The following CTIF variants were observed in gnomAD, a reference collection of about 807,000 sequenced individuals.
CTIF encodes cap binding complex dependent translation initiation factor, also known as CBP80/20-dependent translation initiation factor.
A neutral mutation model predicts 66.0 loss-of-function variants in CTIF; 21 were observed. The observed-to-expected ratio is 0.32, with a 90% CI of 0.23 to 0.46. The LOEUF is 0.46. CTIF is among the 20% of genes least tolerant of loss of function. CTIF has a pLI of 1.00. For synonymous variants in CTIF, 345 were observed against 326.4 expected (o/e 1.06, Z -0.62); for missense variants, 739 against 812.7 (o/e 0.91, Z 1.10).
intron 6 of CTIF, among the ~76,000 whole-genome samples, chr18:48,690,916 C>A (rs768517881): frequency 9.3e-4 from 142 of 152,054 alleles, no homozygotes; most frequent in Admixed American, 3.3e-3. Context: ...AGGTGCCAGT[C>A]AAATCTAAGG....
chr18:48,653,056 T>G (rs2091185488), intron 3 of CTIF, among the ~76,000 whole-genome samples: 2 of 152,188 alleles, frequency 1.3e-5, no homozygotes, highest in East Asian at 3.9e-4. Context: ...GCATTCCCTT[T>G]GAAAACTGGC....
intron 1 of CTIF, among the ~76,000 whole-genome samples, chr18:48,587,294 C>T (rs1015987187): frequency 1.3e-5 from 2 of 152,036 alleles, no homozygotes; most frequent in African/African-American, 4.8e-5. Flanking sequence ...GTTGGCCAGG[C>T]TGGTCTCGAA....
intron 2 of CTIF, among the ~76,000 whole-genome samples, chr18:48,629,726 G>A (rs1284234308): frequency 2.0e-5 from 3 of 151,856 alleles, no homozygotes; most frequent in Non-Finnish European, 4.4e-5. Flanking sequence ...GTCTTTGAAT[G>A]ATCCCTATTT....
chr18:48,720,941 A>T (rs537239609), intron 7 of CTIF, among the ~76,000 whole-genome samples: 97 of 152,308 alleles, frequency 6.4e-4, no homozygotes, highest in Non-Finnish European at 1.0e-3. Context: ...CTTCATGGGA[A>T]TACAAGGCTC....
chr18:48,770,938 C>T (rs932516757), intron 9 of CTIF, among the ~76,000 whole-genome samples: 10 of 152,122 alleles, frequency 6.6e-5, no homozygotes, highest in African/African-American at 1.9e-4. Context: ...CTAACTTTAT[C>T]CCATCCTAGA....
intron 9 of CTIF, among the ~76,000 whole-genome samples, chr18:48,763,572 T>A (rs960278495): frequency 3.3e-5 from 5 of 152,168 alleles, no homozygotes; most frequent in African/African-American, 1.2e-4. Context: ...GAACTACTTG[T>A]GGGATTAGTG....
chr18:48,585,343 G>T (rs1223222274), intron 1 of CTIF, among the ~76,000 whole-genome samples: 1 of 152,236 alleles, frequency 6.6e-6, no homozygotes, highest in Admixed American at 6.5e-5. Context: ...AGAAAGTGGG[G>T]AAAGTGGGCT....
chr18:48,556,386 T>G (rs2089022102), intron 1 of CTIF, among the ~76,000 whole-genome samples: 1 of 152,148 alleles, frequency 6.6e-6, no homozygotes, highest in South Asian at 2.1e-4. Context: ...TTGCCTTTGA[T>G]AGTGGAGTTG....
At chr18:48,654,567 G>A (rs986850078) in intron 3 of CTIF, among the ~76,000 whole-genome samples, 53 of 152,324 alleles carry the variant, frequency 3.5e-4, no homozygotes, top group South Asian at 1.0e-3. Context: ...ACAGTGTGGT[G>A]ATTCCTCAAG....
chr18:48,703,761 C>G (rs1325244123), intron 6 of CTIF, among the ~76,000 whole-genome samples: 1 of 152,204 alleles, frequency 6.6e-6, no homozygotes, highest in Non-Finnish European at 1.5e-5. Context: ...GGGGACTCCC[C>G]CTCCACCACC....
intron 10 of CTIF, among the ~76,000 whole-genome samples, chr18:48,836,863 C>T (rs1292329203): frequency 1.3e-5 from 2 of 152,228 alleles, no homozygotes; most frequent in African/African-American, 2.4e-5. Context: ...GCTTAGTCCA[C>T]ATCACCTGCC....
intron 10 of CTIF, among the ~76,000 whole-genome samples, chr18:48,840,255 G>A (rs931146069): frequency 1.3e-5 from 2 of 152,208 alleles, no homozygotes; most frequent in South Asian, 2.1e-4. Flanking sequence ...GAGTTTGGGT[G>A]GATTGGAGGT....
In CTIF at chr18:48,840,403, G is replaced by A. The variant is rs189888955; in HGVS notation, c.1528-17185G>A. 1.8e-3 allele frequency among the ~76,000 whole-genome samples: 278 copies of A among 152,304 alleles called. 2 individuals carry two copies. Among genetic ancestry groups the A allele is most frequent in the South Asian group, 3.9e-3 (19 of 4,832 alleles). On this transcript the variant is annotated intron_variant, in intron 10 of 11. Transcript: ENST00000256413. ...CAGTGAGAATGCACAGGTGATAACA[G>A]AATATTGACTCACATGCTCATTCAT...
chr18:48,794,939 G>A (rs535003066), intron 9 of CTIF, among the ~76,000 whole-genome samples: 1 of 152,126 alleles, frequency 6.6e-6, no homozygotes, highest in Non-Finnish European at 1.5e-5. Flanking sequence ...TGGATAGATG[G>A]GTCAGGGTGG....
chr18:48,597,025 C>T (rs1456466886), intron 1 of CTIF, among the ~76,000 whole-genome samples: 3 of 152,158 alleles, frequency 2.0e-5, no homozygotes, highest in African/African-American at 7.2e-5. Flanking sequence ...TCATGTGGGC[C>T]CTGCCCCAAA....
chr18:48,699,152 G>A (rs1357827806), intron 6 of CTIF, among the ~76,000 whole-genome samples: 4 of 151,242 alleles, frequency 2.6e-5, no homozygotes, highest in African/African-American at 4.8e-5. Flanking sequence ...GGTGCCCGAC[G>A]GCCCCAGCAG....
At chr18:48,791,540 C>T (rs957573381) in intron 9 of CTIF, among the ~76,000 whole-genome samples, 12 of 152,080 alleles carry the variant, frequency 7.9e-5, no homozygotes, top group African/African-American at 2.9e-4. Context: ...CAGCCTCAGC[C>T]TGGCCCTGGG....
intron 3 of CTIF, among the ~76,000 whole-genome samples, chr18:48,652,625 T>C (rs1471271293): frequency 6.6e-6 from 1 of 152,300 alleles, no homozygotes; most frequent in South Asian, 2.1e-4. Flanking sequence ...CTCTAACTCA[T>C]TTTATAAGGC....
chr18:48,555,644 C>A (rs2089000823), intron 1 of CTIF, among the ~76,000 whole-genome samples: 1 of 152,226 alleles, frequency 6.6e-6, no homozygotes, highest in Non-Finnish European at 1.5e-5. Context: ...CCTCTGGCTT[C>A]ATTTCTTTTT....
Sources: allele counts gnomAD v4.1 joint callset (sites outside exome capture counted in the v4.1 genomes callset), GRCh38; gene constraint gnomAD v4.1.1; transcripts MANE v1.5; gene names NCBI Gene and HGNC (gene_info 2026-07-23, HGNC 2026-07-21).